Variants in SEMA3D observed in about 807,000 individuals in gnomAD.
SEMA3D encodes semaphorin-3D.
A neutral mutation model predicts 100.1 loss-of-function variants in SEMA3D; 84 were observed. The ratio of observed to expected loss-of-function variants is 0.84; its 90% CI spans 0.70 to 1.01. The LOEUF (loss-of-function observed/expected upper bound fraction) is 1.01, where lower values mean the gene tolerates loss of function less well. Among genes scored for constraint, SEMA3D ranks in the 50% least tolerant of loss-of-function variants. SEMA3D has a pLI of 0.00. For missense variants in SEMA3D, 875 were observed against 934.1 expected, an observed-to-expected ratio of 0.94 and a Z score of 0.82; for synonymous variants, 312 against 320.7, an observed-to-expected ratio of 0.97 and a Z score of 0.29.
the SEMA3D span, among the ~76,000 whole-genome samples, chr7:85,198,554 T>G: frequency 1.3e-5 from 2 of 151,930 alleles, no homozygotes; most frequent in African/African-American, 4.8e-5. Context: ...TAAATTTGGA[T>G]AAATTATATT....
chr7:85,091,245 A>G (rs1788386232), intron 4 of SEMA3D, among the ~76,000 whole-genome samples: 1 of 152,010 alleles, frequency 6.6e-6, no homozygotes, highest in African/African-American at 2.4e-5. Flanking sequence ...AAAGAAAGCC[A>G]ACAAATAAAT....
intron 1 of SEMA3D, among the ~76,000 whole-genome samples, chr7:85,182,080 T>G (rs1791425932): frequency 6.6e-6 from 1 of 152,118 alleles, no homozygotes; most frequent in South Asian, 2.1e-4. Context: ...AATTCTTCTT[T>G]TCTTTTATCT....
chr7:85,145,623 A>C (rs1220347687), intron 2 of SEMA3D, among the ~76,000 whole-genome samples: 1 of 152,108 alleles, frequency 6.6e-6, no homozygotes, highest in Non-Finnish European at 1.5e-5. Context: ...TTAATAATAC[A>C]AAAAGCCAAA....
chr7:85,042,723 A>G (rs986903676), intron 9 of SEMA3D, among the ~76,000 whole-genome samples: 4 of 152,080 alleles, frequency 2.6e-5, no homozygotes, highest in Non-Finnish European at 5.9e-5. Flanking sequence ...TCCAAGCTGG[A>G]GCGCAGTAAT....
chr7:84,996,835 C>T lies in SEMA3D; in HGVS notation c.*2605G>A, dbSNP rs1255346196. 6.6e-6 allele frequency: 1 copy of T among 151,770 alleles called. No homozygotes were observed. Among genetic ancestry groups the T allele is most frequent in the South Asian group, 2.1e-4 (1 of 4,824 alleles). 9.4% of individuals were successfully genotyped at this position (151,770 alleles called of 1,614,324 possible). A position where few individuals can be genotyped will look rare whatever the true frequency, so the allele number is the denominator to read the frequency against. On this transcript the variant is annotated 3_prime_UTR_variant, in exon 19 of 19. Coordinates refer to ENST00000284136, the MANE Select transcript of SEMA3D (RefSeq NM_001384900.1). Reference sequence around the variant, plus strand: ...ACTTTTCTTTTTCATTATTTTAAGGCAAATTTGATAAAATAGTCAGTGGTG... The same window carrying T: ...ACTTTTCTTTTTCATTATTTTAAGGTAAATTTGATAAAATAGTCAGTGGTG...
chr7:85,214,078 A>T, the SEMA3D span, among the ~76,000 whole-genome samples: 1 of 152,180 alleles, frequency 6.6e-6, no homozygotes, highest in South Asian at 2.1e-4. Context: ...AACAAAATCC[A>T]CTTGGATCCA....
intron 2 of SEMA3D, among the ~76,000 whole-genome samples, chr7:85,129,655 A>G (rs1789668998): frequency 6.6e-6 from 1 of 152,168 alleles, no homozygotes; most frequent in Non-Finnish European, 1.5e-5. Flanking sequence ...ATACCTACTT[A>G]GTTTAGAATT....
At chr7:85,187,233 C>A (rs1004196831), upstream of SEMA3D, among the ~76,000 whole-genome samples, 6 of 152,188 alleles carry the variant, frequency 3.9e-5, no homozygotes, top group South Asian at 2.1e-4. Flanking sequence ...CAAGCGCTGA[C>A]GGATGTTTAT....
the SEMA3D span, among the ~76,000 whole-genome samples, chr7:85,216,292 C>T: frequency 6.6e-6 from 1 of 151,448 alleles, no homozygotes; most frequent in Non-Finnish European, 1.5e-5. Flanking sequence ...GTTGTTCTTT[C>T]AAGTAAAAAT....
chr7:85,035,814 T>A (rs1238307817), intron 12 of SEMA3D, among the ~76,000 whole-genome samples: 1 of 151,924 alleles, frequency 6.6e-6, no homozygotes, highest in Non-Finnish European at 1.5e-5. Flanking sequence ...AAAAAACATG[T>A]TTCCACAAAC....
At chr7:85,127,725 C>A (rs1451371230) in intron 2 of SEMA3D, among the ~76,000 whole-genome samples, 1 of 152,250 alleles carries the variant, frequency 6.6e-6, no homozygotes, top group East Asian at 1.9e-4. Context: ...TTCAAAGCAG[C>A]AATTGATACT....
chr7:84,996,702 A>G lies in SEMA3D; in HGVS notation c.*2738T>C, dbSNP rs2115674136. Reference sequence around the variant, plus strand: ...CAGAAAAGAACACACAAGGCAGACAAAGACAAAAGTATTAGAGACAAGAAA... The same window carrying G: ...CAGAAAAGAACACACAAGGCAGACAGAGACAAAAGTATTAGAGACAAGAAA... On this transcript the variant is annotated 3_prime_UTR_variant, in exon 19 of 19. Coordinates refer to ENST00000284136, the MANE Select transcript of SEMA3D (RefSeq NM_001384900.1). 1 of 152,436 alleles carries G rather than the reference A, an allele frequency of 6.6e-6. No homozygotes were observed. The highest frequency in any genetic ancestry group is 1.9e-4 in the East Asian group (1 of 5,192). 9.4% of individuals were successfully genotyped at this position (152,436 alleles called of 1,614,324 possible).
chr7:85,077,314 C>T (rs1438954556), intron 5 of SEMA3D, among the ~76,000 whole-genome samples: 1 of 151,714 alleles, frequency 6.6e-6, no homozygotes, highest in Admixed American at 6.6e-5. Context: ...AAAGTGTATA[C>T]ATCAAATAAG....
At chr7:85,089,444 G>A (rs1397750268) in intron 4 of SEMA3D, among the ~76,000 whole-genome samples, 3 of 125,320 alleles carry the variant, frequency 2.4e-5, no homozygotes, top group Non-Finnish European at 4.8e-5. Flanking sequence ...TTCGCAATAA[G>A]TGCTATTTTG....
At chr7:85,249,654 A>G in the SEMA3D span, among the ~76,000 whole-genome samples, 9 of 152,206 alleles carry the variant, frequency 5.9e-5, no homozygotes, top group African/African-American at 1.9e-4. Flanking sequence ...AAATCTGTTT[A>G]CTCATATTAG....
rs180838400 is a variant in SEMA3D, at chr7:85,126,503, A to T, written c.-40-4572T>A. On this transcript the variant is annotated intron_variant, in intron 2 of 18. Transcript: ENST00000284136. ...TTTTATAAAGAGCTCTTTGTTCTTT[A>T]TACCTTAGTGGTACATATAAGGTCA... 1.2e-3 allele frequency among the ~76,000 whole-genome samples: 179 copies of T among 151,818 alleles called. 1 individual carries two copies. Among genetic ancestry groups the T allele is most frequent in the African/African-American group, 4.2e-3 (173 of 41,404 alleles).
intron 5 of SEMA3D, among the ~76,000 whole-genome samples, chr7:85,073,432 T>C (rs773339642): frequency 1.1e-4 from 16 of 152,006 alleles, no homozygotes; most frequent in Non-Finnish European, 2.1e-4. Context: ...TTTTTTTTTT[T>C]AGAGATGACA....
chr7:85,216,847 A>C, the SEMA3D span, among the ~76,000 whole-genome samples: 1 of 151,914 alleles, frequency 6.6e-6, no homozygotes, highest in South Asian at 2.1e-4. Context: ...TACTTAATTT[A>C]ATATTCTTAA....
the SEMA3D span, among the ~76,000 whole-genome samples, chr7:85,243,446 C>T: frequency 4.2e-3 from 638 of 152,198 alleles, 5 homozygotes; most frequent in African/African-American, 0.015. Flanking sequence ...AAGACTGGTT[C>T]GTCTAGAGGT....
Sources: gnomAD v4.1 joint callset for allele counts (sites outside exome capture counted in the v4.1 genomes callset) on GRCh38, gnomAD v4.1.1 for gene constraint, MANE v1.5 for transcripts, NCBI Gene and HGNC (gene_info 2026-07-23, HGNC 2026-07-21) for gene names.